CDS2: variants seen among roughly 807,000 people sequenced by gnomAD.
The protein encoded by CDS2 is CDP-diacylglycerol synthase 2, also known as phosphatidate cytidylyltransferase 2.
Under a neutral mutation model 59.0 loss-of-function variants are expected in CDS2, and 47 were observed. That is an observed-to-expected ratio of 0.80 (90% CI 0.63 to 1.02). The LOEUF is 1.02. Ranked by LOEUF, CDS2 falls within the 50% of genes least tolerant of loss-of-function variation. The pLI, the probability that CDS2 is intolerant of heterozygous loss-of-function variation, is 0.00. For synonymous variants in CDS2, 207 were observed against 206.4 expected (o/e 1.00, Z -0.02); for missense variants, 356 against 558.9 (o/e 0.64, Z 3.66).
At chr20:5,186,632 G>A (rs1387347769) in intron 9 of CDS2, 55 bp from the exon 10 acceptor site, 3 of 1,598,752 alleles carry the variant, frequency 1.9e-6, no homozygotes, top group African/African-American at 2.7e-5. Flanking sequence ...GCCTGTGTCT[G>A]GGCTGGATGG....
chr20:5,185,803 G>T lies in CDS2; in HGVS notation c.805G>T (p.Ala269Ser). The change falls in exon 9 of 13, where the codon GCT becomes TCT. Residue 269 changes from alanine (A) to serine (S), a missense_variant. Physicochemically the swap from Ala to Ser is moderately conservative, Grantham distance 99 (BLOSUM62 1). This residue lies in a region of CDS2 where 88 missense variants were observed against 103.6 expected (regional missense o/e 0.85). Transcript: ENST00000460006. ...TWEGFIGGFF[A>S]TVVFGLLLSY... is the part of the protein sequence containing the mutation. Reference sequence around the variant, plus strand: ...GGAAGGCTTCATTGGGGGCTTCTTTGCTACTGTGGTGTTTGGCCTTCTGGT... The same window carrying T: ...GGAAGGCTTCATTGGGGGCTTCTTTTCTACTGTGGTGTTTGGCCTTCTGGT... The T allele has an allele frequency of 6.2e-7, 1 of 1,614,232 alleles. No individual in the cohort carries two copies. The highest frequency in any genetic ancestry group is 8.5e-7 in the Non-Finnish European group (1 of 1,180,032).
intron 10 of CDS2, chr20:5,187,242 A>G (rs756077824): frequency 3.3e-5 from 7 of 210,144 alleles, no homozygotes; most frequent in Non-Finnish European, 6.0e-5. Context: ...TGGGTTCCTC[A>G]TGCCACACAC....
chr20:5,148,759 G>T (rs1032163938), intron 1 of CDS2, among the ~76,000 whole-genome samples: 8 of 152,212 alleles, frequency 5.3e-5, no homozygotes, highest in African/African-American at 1.7e-4. Flanking sequence ...GTGATTTTGG[G>T]AGCGTAAAAG....
intron 1 of CDS2, among the ~76,000 whole-genome samples, chr20:5,140,586 G>C (rs775958020): frequency 4.6e-5 from 7 of 152,188 alleles, no homozygotes; most frequent in Non-Finnish European, 8.8e-5. Context: ...CAACCTTATA[G>C]GGTTGTTCCG....
At position 5,193,509 on chromosome 20, in the gene CDS2, A is replaced by C. The variant is rs1303254540; in HGVS notation, c.*3275A>C. ...AAAAATATGTTTTAAGGGAGACTAC[A>C]CAGACCTTGTGATTTGGTCTGAGCT... is the stretch of plus-strand genomic sequence containing the variant. On this transcript the variant is annotated 3_prime_UTR_variant, in exon 13 of 13. Transcript: ENST00000460006. The C allele has an allele frequency of 6.6e-6, 1 of 152,238 alleles. No homozygotes were observed. Among genetic ancestry groups the C allele is most frequent in the East Asian group, 1.9e-4 (1 of 5,202 alleles). 9.4% of individuals were successfully genotyped at this position (152,238 alleles called of 1,614,324 possible).
chr20:5,179,859 G>T (rs1326851469), intron 5 of CDS2, among the ~76,000 whole-genome samples: 1 of 152,176 alleles, frequency 6.6e-6, no homozygotes, highest in Non-Finnish European at 1.5e-5. Context: ...TAATGCTGAT[G>T]GTTTTTCATA....
At chr20:5,172,759 CA>C (rs1489924585) in intron 1 of CDS2, among the ~76,000 whole-genome samples, 1 of 152,212 alleles carries the variant, frequency 6.6e-6, no homozygotes, top group Non-Finnish European at 1.5e-5. Flanking sequence ...CTTCTCATAG[CA>C]ACTATTCTGA....
At chr20:5,149,473 A>G (rs144351708) in intron 1 of CDS2, among the ~76,000 whole-genome samples, 647 of 152,238 alleles carry the variant, frequency 4.2e-3, no homozygotes, top group Middle Eastern at 0.01. Context: ...GGCTAAACCT[A>G]TGAGTCTTCC....
intron 1 of CDS2, among the ~76,000 whole-genome samples, chr20:5,135,242 C>T (rs781644045): frequency 3.2e-4 from 48 of 152,314 alleles, no homozygotes; most frequent in Admixed American, 2.6e-4. Flanking sequence ...TAACTAATTT[C>T]ACAGGGCAGA....
chr20:5,171,527 C>T (rs895715276), intron 1 of CDS2, among the ~76,000 whole-genome samples: 1 of 152,248 alleles, frequency 6.6e-6, no homozygotes, highest in South Asian at 2.1e-4. Context: ...CAATGATTAC[C>T]GTAATATTAC....
intron 1 of CDS2, among the ~76,000 whole-genome samples, chr20:5,143,070 C>T (rs1476403697): frequency 1.3e-5 from 2 of 152,118 alleles, no homozygotes; most frequent in Middle Eastern, 3.4e-3. Context: ...TCTTGAACTC[C>T]TGGGCTCAAG....
intron 7 of CDS2, among the ~76,000 whole-genome samples, chr20:5,183,793 A>G (rs1418657923): frequency 6.6e-6 from 1 of 152,244 alleles, no homozygotes; most frequent in Non-Finnish European, 1.5e-5. Context: ...TTTTATTCCA[A>G]AAATGCAGTG....
intron 1 of CDS2, among the ~76,000 whole-genome samples, chr20:5,166,410 G>A (rs2090914164): frequency 6.6e-6 from 1 of 152,092 alleles, no homozygotes; most frequent in Non-Finnish European, 1.5e-5. Flanking sequence ...TTGGACACAT[G>A]GTGAGTTTTA....
chr20:5,181,615 G>C (rs926110450), intron 5 of CDS2, among the ~76,000 whole-genome samples: 3 of 152,208 alleles, frequency 2.0e-5, no homozygotes, highest in Non-Finnish European at 4.4e-5. Context: ...TTACAGTCAT[G>C]CATCGTTTAA....
rs373989738 is a variant in CDS2 at position 5,151,142 on chromosome 20, G to A, written c.58-22381G>A. On this transcript the variant is annotated intron_variant, in intron 1 of 12. Coordinates refer to ENST00000460006, the MANE Select transcript of CDS2 (RefSeq NM_003818.4). The stretch of plus-strand genomic sequence containing the variant: ...AGCAAAATAAAATATTGCCATGTTA[G>A]TGTTTATTTTTAGTGTTGAAATGCC... Among the ~76,000 whole-genome samples, 9 of 152,318 alleles carry A rather than the reference G, an allele frequency of 5.9e-5. No individual in the cohort carries two copies. The South Asian group carries it at 1.9e-3, about 32-fold the overall frequency.
At chr20:5,128,930 C>A (rs976223477) in intron 1 of CDS2, among the ~76,000 whole-genome samples, 3 of 152,146 alleles carry the variant, frequency 2.0e-5, no homozygotes, top group Admixed American at 2.0e-4. Context: ...TGTCAAAAAA[C>A]AACCTTGGGA....
At chr20:5,155,783 T>TG (rs1488171753) in intron 1 of CDS2, among the ~76,000 whole-genome samples, 1 of 152,128 alleles carries the variant, frequency 6.6e-6, no homozygotes, top group Non-Finnish European at 1.5e-5. Context: ...TTAATTTTGT[T>TG]GGGGGGAGTT....
intron 1 of CDS2, among the ~76,000 whole-genome samples, chr20:5,173,026 A>G (rs1336716996): frequency 1.3e-5 from 2 of 152,182 alleles, no homozygotes; most frequent in Admixed American, 6.5e-5. Context: ...ACTGACTGTG[A>G]TTGACCTCCT....
Position 5,196,679 on chromosome 20 carries a change from A to G in CDS2, c.*6445A>G, listed in dbSNP as rs1194061584. On this transcript the variant is annotated 3_prime_UTR_variant, in exon 13 of 13. Transcript: ENST00000460006. ...AAAGAGGTTGAGAATGTTTTCTAGC[A>G]GGCAGAATGTGCATACATGTTTTCA... 1 of 152,244 alleles carries G rather than the reference A, an allele frequency of 6.6e-6. No individual in the cohort carries two copies. The highest frequency in any genetic ancestry group is 6.5e-5 in the Admixed American group (1 of 15,288). 9.4% of individuals were successfully genotyped at this position (152,244 alleles called of 1,614,324 possible). A position where few individuals can be genotyped will look rare whatever the true frequency, so the allele number is the denominator to read the frequency against.
Sources: allele counts gnomAD v4.1 joint callset (sites outside exome capture counted in the v4.1 genomes callset), GRCh38; gene constraint gnomAD v4.1.1; regional missense constraint gnomAD v4.1.1; transcripts MANE v1.5; gene names NCBI Gene and HGNC (gene_info 2026-07-23, HGNC 2026-07-21).